The following NGLY1 variants were observed in gnomAD, a reference collection of about 807,000 sequenced individuals.
NGLY1 encodes peptide-N(4)-(N-acetyl-beta-glucosaminyl)asparagine amidase.
A neutral mutation model predicts 84.6 loss-of-function variants in NGLY1; 68 were observed. That is an observed-to-expected ratio of 0.80 (90% CI 0.66 to 0.98). The LOEUF (loss-of-function observed/expected upper bound fraction) is 0.98, where lower values mean the gene tolerates loss of function less well. NGLY1 is among the 50% of genes least tolerant of loss of function. NGLY1 has a pLI of 0.00. For missense variants in NGLY1, 779 were observed against 770.2 expected (o/e 1.01, Z -0.14); for synonymous variants, 280 against 275.2 (o/e 1.02, Z -0.17).
At chr3:25,769,731 T>A (rs1168797029) in intron 2 of NGLY1, among the ~76,000 whole-genome samples, 1 of 152,192 alleles carries the variant, frequency 6.6e-6, no homozygotes, top group African/African-American at 2.4e-5. Context: ...TTTTTAATGA[T>A]CTTTAATTTT....
chr3:25,745,957 C>T (rs1160815694), intron 4 of NGLY1, among the ~76,000 whole-genome samples: 7 of 152,194 alleles, frequency 4.6e-5, no homozygotes, highest in Admixed American at 1.3e-4. Context: ...TCGGCCAAGA[C>T]GTGTTTCCTT....
intron 2 of NGLY1, among the ~76,000 whole-genome samples, chr3:25,768,023 G>A (rs1460211629): frequency 7.1e-6 from 1 of 141,284 alleles, no homozygotes; most frequent in Admixed American, 7.8e-5. Context: ...TGAGGCAAGA[G>A]AATCACTTGA....
At chr3:25,773,858 G>A (rs529487605) in intron 2 of NGLY1, among the ~76,000 whole-genome samples, 4 of 152,312 alleles carry the variant, frequency 2.6e-5, no homozygotes, top group African/African-American at 7.2e-5. Context: ...GGCTTCCTGA[G>A]AGCTGGACTG....
At chr3:25,773,290 A>G (rs1037941126) in intron 2 of NGLY1, among the ~76,000 whole-genome samples, 1 of 152,072 alleles carries the variant, frequency 6.6e-6, no homozygotes, top group African/African-American at 2.4e-5. Context: ...GTCATTTAAC[A>G]TAATCCCAAA....
intron 3 of NGLY1, among the ~76,000 whole-genome samples, chr3:25,754,538 T>C (rs1410687717): frequency 6.6e-6 from 1 of 152,140 alleles, no homozygotes; most frequent in East Asian, 1.9e-4. Flanking sequence ...AACGATCTGA[T>C]GTGTTTTCAG....
chr3:25,757,521 T>C (rs903393462), intron 3 of NGLY1, among the ~76,000 whole-genome samples: 1 of 152,202 alleles, frequency 6.6e-6, no homozygotes, highest in African/African-American at 2.4e-5. Context: ...TCCAAGGCTA[T>C]TAATAAAAAT....
At chr3:25,763,979 C>A in intron 3 of NGLY1, 87 bp downstream of exon 3, 1 of 1,490,400 alleles carries the variant, frequency 6.7e-7, no homozygotes, top group South Asian at 1.3e-5. Context: ...GGCATAAATT[C>A]AGGAATAAAT....
At chr3:25,787,450 C>A (rs1228445291), upstream of NGLY1, among the ~76,000 whole-genome samples, 1 of 152,166 alleles carries the variant, frequency 6.6e-6, no homozygotes, top group African/African-American at 2.4e-5. Flanking sequence ...CAATAGTGAT[C>A]TTTCTAAAGC....
At chr3:25,772,876 T>C (rs1707965242) in intron 2 of NGLY1, among the ~76,000 whole-genome samples, 1 of 152,224 alleles carries the variant, frequency 6.6e-6, no homozygotes, top group African/African-American at 2.4e-5. Flanking sequence ...CTATCTTTCC[T>C]TCATTTATGA....
Position 25,783,124 on chromosome 3 carries a change from G to A in NGLY1, c.131+136C>T. On this transcript the variant is annotated intron_variant, in intron 1 of 11. Coordinates refer to ENST00000280700, the MANE Select transcript of NGLY1 (RefSeq NM_018297.4). This position sits in a 1 kb window ranked among gnomAD's most constrained non-coding sequence, Gnocchi z 4.5. ...CCGGCGGGCTCGGACGTTAGGAGCA[G>A]AACCAGCTCCAGGTCCCGGTCTGTC... 2 of 794,612 alleles carry A rather than the reference G, an allele frequency of 2.5e-6. No homozygotes were observed. Among genetic ancestry groups the A allele is most frequent in the Non-Finnish European group, 3.9e-6 (2 of 513,982 alleles). 49.2% of individuals were successfully genotyped at this position (794,612 alleles called of 1,614,324 possible).
chr3:25,727,976 C>A (rs933405653), intron 10 of NGLY1, among the ~76,000 whole-genome samples: 3 of 152,080 alleles, frequency 2.0e-5, no homozygotes, highest in Admixed American at 6.6e-5. Context: ...AGATGTTCAT[C>A]CTCTCTCATC....
intron 4 of NGLY1, among the ~76,000 whole-genome samples, chr3:25,748,168 C>G (rs1312801449): frequency 6.6e-6 from 1 of 152,178 alleles, no homozygotes; most frequent in Non-Finnish European, 1.5e-5. Flanking sequence ...GGCTAACAAA[C>G]ACTTGTGAAA....
exon 1 of NGLY1, chr3:25,789,975 A>T (rs990973486): frequency 1.5e-6 from 2 of 1,352,796 alleles, no homozygotes; most frequent in Non-Finnish European, 2.1e-6. Flanking sequence ...GACCTCAGCC[A>T]AGGTGACGCG....
chr3:25,731,528 CTGTT>C (rs1035595477), intron 9 of NGLY1, among the ~76,000 whole-genome samples: 4 of 152,046 alleles, frequency 2.6e-5, no homozygotes, highest in African/African-American at 9.7e-5. Flanking sequence ...TTTTGAAAAA[CTGTT>C]TGGCAATATG....
At chr3:25,736,492 GTC>G in intron 6 of NGLY1, 27 of 963,972 alleles carry the variant, frequency 2.8e-5, no homozygotes, top group Non-Finnish European at 3.5e-5. Context: ...TGAAACTACA[GTC>G]TCTCTCTCTG....
intron 3 of NGLY1, among the ~76,000 whole-genome samples, chr3:25,761,733 T>G (rs897586251): frequency 2.6e-5 from 4 of 152,138 alleles, no homozygotes; most frequent in African/African-American, 7.2e-5. Context: ...TAAAAACATA[T>G]GTCTACACAA....
At chr3:25,789,953 C>T in exon 1 of NGLY1, 6 of 1,496,180 alleles carry the variant, frequency 4.0e-6, no homozygotes, top group Non-Finnish European at 5.5e-6. Flanking sequence ...ACCCAGCCGC[C>T]TCCCACGGTC....
At chr3:25,739,545 A>T in intron 5 of NGLY1, 32 bp downstream of exon 5, 3 of 1,586,062 alleles carry the variant, frequency 1.9e-6, no homozygotes, top group Non-Finnish European at 2.6e-6. Flanking sequence ...TCATTAAGAG[A>T]TTATTCTGAT....
intron 4 of NGLY1, among the ~76,000 whole-genome samples, chr3:25,740,713 G>C (rs1314532298): frequency 1.3e-5 from 2 of 151,834 alleles, no homozygotes; most frequent in Non-Finnish European, 2.9e-5. Flanking sequence ...ATGTAAAAAG[G>C]CCAGAAATAT....
Sources: allele counts gnomAD v4.1 joint callset (sites outside exome capture counted in the v4.1 genomes callset), GRCh38; gene constraint gnomAD v4.1.1; non-coding constraint Gnocchi (gnomAD v3.1); transcripts MANE v1.5; gene names NCBI Gene and HGNC (gene_info 2026-07-23, HGNC 2026-07-21).